The following ZNF470 variants were observed in gnomAD, a reference collection of about 807,000 sequenced individuals.
The protein encoded by ZNF470 is zinc finger protein 470, also known as chondrogenesis zinc finger protein 1.
ZNF470 carries 13 observed loss-of-function variants against 13.9 expected under a neutral mutation model. That is an observed-to-expected ratio of 0.94 (90% CI 0.61 to 1.49). The LOEUF is 1.49. ZNF470 is among the 40% of genes most tolerant of loss of function. ZNF470 has a pLI of 0.00. For missense variants in ZNF470, 929 were observed against 857.3 expected (o/e 1.08, Z -1.04); for synonymous variants, 293 against 282.9 (o/e 1.04, Z -0.36).
chr19:56,582,089 T>C lies in ZNF470; in HGVS notation c.*3506T>C. Reference sequence around the variant, plus strand: ...TTAGAATCTTTGGAAAAATCAGGTATTGGGAGTTGCTTTTTGGATGAGATG... The same window carrying C: ...TTAGAATCTTTGGAAAAATCAGGTACTGGGAGTTGCTTTTTGGATGAGATG... On this transcript the variant is annotated 3_prime_UTR_variant, in exon 6 of 6. Coordinates refer to ENST00000330619, the MANE Select transcript of ZNF470 (RefSeq NM_001001668.4). 1.0e-6 allele frequency: 1 copy of C among 985,386 alleles called. No individual in the cohort carries two copies. Among genetic ancestry groups the C allele is most frequent in the Non-Finnish European group, 1.2e-6 (1 of 829,928 alleles). 61.0% of individuals were successfully genotyped at this position (985,386 alleles called of 1,614,324 possible). A position where few individuals can be genotyped will look rare whatever the true frequency, so the allele number is the denominator to read the frequency against.
At position 56,577,679 on chromosome 19, in the gene ZNF470, G is replaced by C; in HGVS notation, c.1250G>C (p.Arg417Thr). Residue 417 changes from arginine (R) to threonine (T), a missense_variant, in exon 6 of 6, where the codon AGA (arginine) becomes ACA (threonine). Transcript: ENST00000330619. ...CACATAGGACTTATTCAGCATAAGA[G>C]AACTCATACTGGAGAGAGACCTTAC... Reference protein sequence around the residue: ...TDHIGLIQHKRTHTGERPYKC... With the variant: ...TDHIGLIQHKTTHTGERPYKC... The C allele has an allele frequency of 6.2e-7, 1 of 1,610,882 alleles. No homozygotes were observed. Among genetic ancestry groups the C allele is most frequent in the Non-Finnish European group, 8.5e-7 (1 of 1,177,474 alleles).
At position 56,577,963 on chromosome 19, in the gene ZNF470, A is replaced by G; in HGVS notation, c.1534A>G (p.Lys512Glu). 1 of 1,614,098 alleles carries G rather than the reference A, an allele frequency of 6.2e-7. No homozygotes were observed. Among genetic ancestry groups the G allele is most frequent in the Non-Finnish European group, 8.5e-7 (1 of 1,179,998 alleles). ...IHTGEKPYECKECSKTFSQNA... is the reference protein window; with the variant it reads ...IHTGEKPYECEECSKTFSQNA... ...TACTGGAGAGAAACCTTATGAATGT[A>G]AGGAATGCAGCAAAACCTTCAGCCA... Residue 512 changes from lysine to glutamate, a missense_variant, in exon 6 of 6, where the codon AAG becomes GAG. Transcript: ENST00000330619.
chr19:56,572,824 A>G (rs1039290666), intron 3 of ZNF470, among the ~76,000 whole-genome samples: 1 of 152,160 alleles, frequency 6.6e-6, no homozygotes, highest in Non-Finnish European at 1.5e-5. Context: ...GATAAAATAA[A>G]GTTACTCATA....
Position 56,581,411 on chromosome 19 carries a change from GA to G in ZNF470, c.*2830del. On this transcript the variant is annotated 3_prime_UTR_variant, in exon 6 of 6. Transcript: ENST00000330619. Reference sequence around the variant, plus strand: ...CTATTGCTTTATGTATATACCCTTTGAATTAATATTCCTTGGAAACCAACAT... The same window carrying G: ...CTATTGCTTTATGTATATACCCTTTGATTAATATTCCTTGGAAACCAACAT... 2 of 969,240 alleles carry G rather than the reference GA, an allele frequency of 2.1e-6. No individual in the cohort carries two copies. The highest frequency in any genetic ancestry group is 1.2e-6 in the Non-Finnish European group (1 of 815,298). The allele number at this position is 969,240 out of a possible 1,614,324, so 60.0% of individuals were successfully genotyped here. A position where few individuals can be genotyped will look rare whatever the true frequency, so the allele number is the denominator to read the frequency against.
chr19:56,574,491 T>C lies in ZNF470; in HGVS notation c.158T>C (p.Leu53Ser). The C allele has an allele frequency of 6.2e-7, 1 of 1,613,948 alleles. No homozygotes were observed. Among genetic ancestry groups the C allele is most frequent in the Non-Finnish European group, 8.5e-7 (1 of 1,179,814 alleles). Residue 53 changes from leucine to serine, a missense_variant, in exon 4 of 6, where the codon TTA becomes TCA. Transcript: ENST00000330619. The stretch of plus-strand genomic sequence containing the variant: ...AGAAGTTTGTACAAGAAGGTGATGT[T>C]AGAAAACTACAGGAACCTAGTTTCA... ...AQRSLYKKVM[L>S]ENYRNLVSVG... is the part of the protein sequence containing the mutation.
At chr19:56,571,347 A>G (rs1019414009) in intron 3 of ZNF470, among the ~76,000 whole-genome samples, 1 of 152,162 alleles carries the variant, frequency 6.6e-6, no homozygotes, top group Non-Finnish European at 1.5e-5. Context: ...ATCTCTGATT[A>G]TTTTCTTTGA....
At position 56,578,989 on chromosome 19, in the gene ZNF470, G is replaced by A. The variant is rs2044514941; in HGVS notation, c.*406G>A. The A allele has an allele frequency of 1.0e-6, 1 of 990,842 alleles. No individual in the cohort carries two copies. Among genetic ancestry groups the A allele is most frequent in the South Asian group, 4.7e-5 (1 of 21,394 alleles). The allele number at this position is 990,842 out of a possible 1,614,324, so 61.4% of individuals were successfully genotyped here. A position where few individuals can be genotyped will look rare whatever the true frequency, so the allele number is the denominator to read the frequency against. On this transcript the variant is annotated 3_prime_UTR_variant, in exon 6 of 6. Transcript: ENST00000330619. ...GACAGAAGACTACTCTCCTGGTAGA[G>A]AGGAAAGATGAACAAACTCAGAATT... is the stretch of plus-strand genomic sequence containing the variant.
Position 56,576,969 on chromosome 19 carries a change from T to C in ZNF470, c.540T>C (p.Val180=). The change falls in exon 6 of 6, where the codon GTT becomes GTC. Residue 180 remains valine (V), a synonymous_variant. Transcript: ENST00000330619. ...KRDHSNKSGT[V]FHLNTLSYIK... ...ATCACTCTAACAAATCTGGGACAGT[T>C]TTTCATCTGAATACATTATCTTATA... The C allele has an allele frequency of 6.3e-7, 1 of 1,589,652 alleles. No homozygotes were observed. The highest frequency in any genetic ancestry group is 8.5e-7 in the Non-Finnish European group (1 of 1,172,426).
intron 3 of ZNF470, among the ~76,000 whole-genome samples, chr19:56,572,340 C>CAAAAAAA (rs564410370): frequency 6.1e-5 from 1 of 16,408 alleles, no homozygotes; most frequent in East Asian, 1.6e-3. Flanking sequence ...CCTGTCTCTA[C>CAAAAAAA]AAAAAAAAAA....
Position 56,577,712 on chromosome 19 carries a change from A to G in ZNF470, c.1283A>G (p.Asn428Ser). The G allele has an allele frequency of 6.2e-7, 1 of 1,610,866 alleles. No individual in the cohort carries two copies. The highest frequency in any genetic ancestry group is 8.5e-7 in the Non-Finnish European group (1 of 1,177,588). The change falls in exon 6 of 6, where the codon AAT becomes AGT. Residue 428 changes from asparagine (N) to serine (S), a missense_variant. Transcript: ENST00000330619. ...ACTGGAGAGAGACCTTACAAATGTAATGTGTGTGGGAAGGCTTTTAGCCAT... is the reference window on the plus strand; with the variant it reads ...ACTGGAGAGAGACCTTACAAATGTAGTGTGTGTGGGAAGGCTTTTAGCCAT... ...THTGERPYKC[N>S]VCGKAFSHGS...
intron 3 of ZNF470, among the ~76,000 whole-genome samples, chr19:56,572,835 G>A (rs2044465023): frequency 6.6e-6 from 1 of 151,732 alleles, no homozygotes; most frequent in Non-Finnish European, 1.5e-5. Context: ...GTTACTCATA[G>A]GAAAGAAAAC....
intron 3 of ZNF470, among the ~76,000 whole-genome samples, chr19:56,573,542 A>C (rs2044469379): frequency 6.6e-6 from 1 of 152,256 alleles, no homozygotes; most frequent in Non-Finnish European, 1.5e-5. Flanking sequence ...AGTCCAGTGG[A>C]TCACTTTGTG....
rs2044519289 is a variant in ZNF470 at position 56,579,466 on chromosome 19, A to C, written c.*883A>C. 7.1e-6 allele frequency: 7 copies of C among 985,308 alleles called. No homozygotes were observed. The allele number at this position is 985,308 out of a possible 1,614,324, so 61.0% of individuals were successfully genotyped here. ...AAGCATTTGGTAGAATGTAGGACTAACCAGGGTAGGTAGTAGTAAACCAAA... is the reference window on the plus strand; with the variant it reads ...AAGCATTTGGTAGAATGTAGGACTACCCAGGGTAGGTAGTAGTAAACCAAA... On this transcript the variant is annotated 3_prime_UTR_variant, in exon 6 of 6. Coordinates refer to ENST00000330619, the MANE Select transcript of ZNF470 (RefSeq NM_001001668.4).
At position 56,567,907 on chromosome 19, in the gene ZNF470, G is replaced by C. The variant is rs1256479825; in HGVS notation, c.-290G>C. 1.0e-6 allele frequency: 1 copy of C among 984,088 alleles called. No individual in the cohort carries two copies. The highest frequency in any genetic ancestry group is 1.2e-6 in the Non-Finnish European group (1 of 829,738). The allele number at this position is 984,088 out of a possible 1,614,324, so 61.0% of individuals were successfully genotyped here. A position where few individuals can be genotyped will look rare whatever the true frequency, so the allele number is the denominator to read the frequency against. On this transcript the variant is annotated 5_prime_UTR_variant, in exon 1 of 6. Transcript: ENST00000330619. The stretch of plus-strand genomic sequence containing the variant: ...TGTGGGCAAAGTCCTAGAGCCCGGG[G>C]AAGTTGCCCGGGCGGGGCAGCCTCG...
Position 56,567,694 on chromosome 19 carries a change from G to T in ZNF470, c.-503G>T. 1 of 987,958 alleles carries T rather than the reference G, an allele frequency of 1.0e-6. No homozygotes were observed. Among genetic ancestry groups the T allele is most frequent in the Middle Eastern group, 5.2e-4 (1 of 1,924 alleles). The allele number at this position is 987,958 out of a possible 1,614,324, so 61.2% of individuals were successfully genotyped here. ...GTGCTGAGGAGGGGCGAGCGCGCGCGGGGATGGCGGCCCGGTGTGTGACTG... is the reference window on the plus strand; with the variant it reads ...GTGCTGAGGAGGGGCGAGCGCGCGCTGGGATGGCGGCCCGGTGTGTGACTG... On this transcript the variant is annotated 5_prime_UTR_variant, in exon 1 of 6. Coordinates refer to ENST00000330619, the MANE Select transcript of ZNF470 (RefSeq NM_001001668.4).
At position 56,577,147 on chromosome 19, in the gene ZNF470, A is replaced by G; in HGVS notation, c.718A>G (p.Ile240Val). The change falls in exon 6 of 6, where the codon ATC (isoleucine) becomes GTC (valine). Residue 240 changes from isoleucine to valine, a missense_variant. Physicochemically the swap from Ile to Val is conservative, Grantham distance 29. Coordinates refer to ENST00000330619, the MANE Select transcript of ZNF470 (RefSeq NM_001001668.4). ...TGACTGTGAGAAAATATTCAGCAAA[A>G]TCTCAACCCTTACTCTTCACCAAAG... ...CNDCEKIFSK[I>V]STLTLHQRIH... 6.2e-7 allele frequency: 1 copy of G among 1,613,416 alleles called. No homozygotes were observed. Among genetic ancestry groups the G allele is most frequent in the Non-Finnish European group, 8.5e-7 (1 of 1,179,854 alleles).
At chr19:56,570,080 T>A in intron 2 of ZNF470, 200 bp from the exon 3 acceptor site, 1 of 508,646 alleles carries the variant, frequency 2.0e-6, no homozygotes, top group South Asian at 2.6e-5. Flanking sequence ...TCAAGAGATA[T>A]TATGCTCATC....
chr19:56,574,435 A>G lies in ZNF470; in HGVS notation c.102A>G (p.Gln34=). The change falls in exon 4 of 6, where the codon CAA becomes CAG. Residue 34 remains glutamine (Q), a synonymous_variant. Transcript: ENST00000330619. ...CAGATGTGGCCATAGACTTTTCCCA[A>G]GATGAATGGGAGTGGCTGAATCTTG... ...TFTDVAIDFS[Q]DEWEWLNLAQ... 7 of 1,613,898 alleles carry G rather than the reference A, an allele frequency of 4.3e-6. No individual in the cohort carries two copies. The highest frequency in any genetic ancestry group is 5.9e-6 in the Non-Finnish European group (7 of 1,179,782).
At chr19:56,573,338 T>C (rs2044468297) in intron 3 of ZNF470, among the ~76,000 whole-genome samples, 1 of 152,212 alleles carries the variant, frequency 6.6e-6, no homozygotes, top group South Asian at 2.1e-4. Flanking sequence ...GTACTATATT[T>C]CCATTTTTCA....
Sources: allele counts gnomAD v4.1 joint callset (sites outside exome capture counted in the v4.1 genomes callset), GRCh38; gene constraint gnomAD v4.1.1; transcripts MANE v1.5; gene names NCBI Gene and HGNC (gene_info 2026-07-23, HGNC 2026-07-21).